H2BC4: variants seen among roughly 807,000 people sequenced by gnomAD.
H2BC4 encodes histone H2B type 1-C/E/F/G/I.
H2BC4 carries 10 observed loss-of-function variants against 6.2 expected under a neutral mutation model. That is an observed-to-expected ratio of 1.61 (90% CI 0.99 to 2.73). The LOEUF (loss-of-function observed/expected upper bound fraction) is 2.73, where lower values mean the gene tolerates loss of function less well. Ranked by LOEUF, H2BC4 falls within the 30% of genes most tolerant of loss-of-function variation. H2BC4 has a pLI of 0.00. For synonymous variants in H2BC4, 146 were observed against 70.7 expected, an observed-to-expected ratio of 2.07 and a Z score of -5.35; for missense variants, 176 against 168.7, an observed-to-expected ratio of 1.04 and a Z score of -0.24.
downstream of H2BC4, among the ~76,000 whole-genome samples, chr6:26,121,213 AG>A (rs1447572059): frequency 1.3e-5 from 2 of 152,240 alleles, no homozygotes; most frequent in African/African-American, 4.8e-5. Flanking sequence ...CCCCAAAAAA[AG>A]GTTAATAAAT....
At chr6:26,116,510 T>C (rs929910040) in intron 1 of H2BC4, among the ~76,000 whole-genome samples, 1 of 151,728 alleles carries the variant, frequency 6.6e-6, no homozygotes, top group Admixed American at 6.6e-5. Context: ...CTGGGCAACA[T>C]AGTAAGACCC....
At chr6:26,121,194 A>C (rs1763492057), downstream of H2BC4, among the ~76,000 whole-genome samples, 1 of 152,202 alleles carries the variant, frequency 6.6e-6, no homozygotes, top group African/African-American at 2.4e-5. Flanking sequence ...ACATCTTCAA[A>C]CAAAAACACC....
At chr6:26,123,361 C>CT (rs1263479018), downstream of H2BC4, 4 of 1,273,648 alleles carry the variant, frequency 3.1e-6, no homozygotes, top group African/African-American at 4.5e-5. Context: ...TTGTCCCTCT[C>CT]TAAGCTGCAA....
intron 1 of H2BC4, among the ~76,000 whole-genome samples, chr6:26,117,738 T>C (rs566228458): frequency 6.6e-6 from 1 of 152,312 alleles, no homozygotes; most frequent in African/African-American, 2.4e-5. Context: ...AATGGACTGA[T>C]TTCACTCAAC....
Position 26,123,653 on chromosome 6 carries a change from G to A in H2BC4, c.252C>T (p.Tyr84=), listed in dbSNP as rs371600527. The A allele has an allele frequency of 2.5e-5, 40 of 1,614,268 alleles. No homozygotes were observed. The African/African-American group carries it at 4.3e-4, about 17-fold the overall frequency. The change falls in exon 1 of 1, where the codon TAC becomes TAT. Residue 84 remains tyrosine, a synonymous_variant. Coordinates refer to ENST00000396984, the MANE Select transcript of H2BC4 (RefSeq NM_003526.3). Reference sequence around the variant, plus strand: ...TGGAGGTGATGGTCGAGCGCTTGTTGTAATGCGCCAGGCGGGAAGCCTCGC... The same window carrying A: ...TGGAGGTGATGGTCGAGCGCTTGTTATAATGCGCCAGGCGGGAAGCCTCGC... ...IAGEASRLAH[Y]NKRSTITSRE... is the part of the protein sequence containing the mutation.
chr6:26,118,936 T>C (rs1030522123), downstream of H2BC4, among the ~76,000 whole-genome samples: 5 of 152,146 alleles, frequency 3.3e-5, no homozygotes, highest in Admixed American at 1.3e-4. Flanking sequence ...CATGGCTATA[T>C]AAAAATAAGA....
chr6:26,117,719 A>G (rs987945796), intron 1 of H2BC4, among the ~76,000 whole-genome samples: 3 of 152,268 alleles, frequency 2.0e-5, no homozygotes, highest in Non-Finnish European at 4.4e-5. Context: ...TGCTCAAGGT[A>G]TATCAAGCAA....
downstream of H2BC4, among the ~76,000 whole-genome samples, chr6:26,119,230 C>T (rs989616124): frequency 1.3e-5 from 2 of 152,042 alleles, no homozygotes; most frequent in African/African-American, 2.4e-5. Flanking sequence ...GTATACAGTA[C>T]GTGATTTACA....
chr6:26,122,980 T>C (rs77919048), downstream of H2BC4, among the ~76,000 whole-genome samples: 18,082 of 152,218 alleles, frequency 0.12, 1,390 homozygotes, highest in Non-Finnish European at 0.16. Context: ...CCCTTCAGTA[T>C]ACTACGAAGG....
intron 1 of H2BC4, among the ~76,000 whole-genome samples, chr6:26,117,238 C>T (rs1436563086): frequency 6.6e-6 from 1 of 152,166 alleles, no homozygotes; most frequent in Non-Finnish European, 1.5e-5. Flanking sequence ...CCAAAGTCTT[C>T]AGTCATAAGC....
At chr6:26,115,231 T>A (rs1315571327) in intron 1 of H2BC4, 2 of 152,252 alleles carry the variant, frequency 1.3e-5, no homozygotes, top group Non-Finnish European at 2.9e-5. Flanking sequence ...TGATGATGGC[T>A]AAAGTTCACT....
At chr6:26,119,737 T>C (rs1763474341), downstream of H2BC4, among the ~76,000 whole-genome samples, 1 of 151,904 alleles carries the variant, frequency 6.6e-6, no homozygotes, top group Non-Finnish European at 1.5e-5. Flanking sequence ...TATAATATTC[T>C]GCTAATATTA....
At chr6:26,122,353 G>A (rs1763511125), downstream of H2BC4, among the ~76,000 whole-genome samples, 1 of 152,038 alleles carries the variant, frequency 6.6e-6, no homozygotes, top group Non-Finnish European at 1.5e-5. Context: ...GTATATTCCC[G>A]GTTTTTAATG....
chr6:26,121,719 T>C (rs998412907), downstream of H2BC4, among the ~76,000 whole-genome samples: 4 of 151,544 alleles, frequency 2.6e-5, no homozygotes, highest in Non-Finnish European at 4.4e-5. Context: ...TCAGTCTGAA[T>C]GGGAATAAGT....
downstream of H2BC4, among the ~76,000 whole-genome samples, chr6:26,119,115 G>A (rs542624692): frequency 6.6e-6 from 1 of 151,836 alleles, no homozygotes; most frequent in Admixed American, 6.6e-5. Flanking sequence ...AGAGCTGTTT[G>A]GATTAACCAT....
intron 1 of H2BC4, among the ~76,000 whole-genome samples, chr6:26,117,844 G>A (rs931578122): frequency 6.6e-6 from 1 of 152,192 alleles, no homozygotes; most frequent in African/African-American, 2.4e-5. Flanking sequence ...ATTATTTTCA[G>A]TAGAAAAGAG....
At chr6:26,114,923 A>AT (rs1674551978) in exon 2 of H2BC4, 1 of 152,146 alleles carries the variant, frequency 6.6e-6, no homozygotes, top group Non-Finnish European at 1.5e-5. Flanking sequence ...TGTGTCATAA[A>AT]TTTCTATGAA....
rs775202532 is a variant in H2BC4, at chr6:26,123,873, G to C, written c.32C>G (p.Pro11Arg). The change falls in exon 1 of 1, where the codon CCG becomes CGG. Residue 11 changes from proline to arginine, a missense_variant. Coordinates refer to ENST00000396984, the MANE Select transcript of H2BC4 (RefSeq NM_003526.3). MPEPAKSAPA[P>R]KKGSKKAVTK... ...CACTGCCTTCTTGGAGCCCTTCTTC[G>C]GGGCGGGAGCAGACTTGGCTGGCTC... 12 of 1,614,182 alleles carry C rather than the reference G, an allele frequency of 7.4e-6. No homozygotes were observed. The highest frequency in any genetic ancestry group is 1.6e-4 in the Middle Eastern group (1 of 6,062).
chr6:26,115,611 T>C (rs1016402775), intron 1 of H2BC4, among the ~76,000 whole-genome samples: 44 of 152,200 alleles, frequency 2.9e-4, no homozygotes, highest in Non-Finnish European at 1.0e-4. Flanking sequence ...GGGGACTGTC[T>C]GATTTTTAGA....
Sources: gnomAD v4.1 joint callset for allele counts (sites outside exome capture counted in the v4.1 genomes callset) on GRCh38, gnomAD v4.1.1 for gene constraint, MANE v1.5 for transcripts, NCBI Gene and HGNC (gene_info 2026-07-23, HGNC 2026-07-21) for gene names.